The following LOC128462377 variants were observed in gnomAD, a reference collection of about 807,000 sequenced individuals.
chr16:89,399,485 G>A, the LOC128462377 span, among the ~76,000 whole-genome samples: 6 of 152,318 alleles, frequency 3.9e-5, no homozygotes, highest in South Asian at 2.1e-4. Flanking sequence ...AAAGATCAGC[G>A]AATGCCAGGG....
chr16:89,368,655 C>T, the LOC128462377 span, among the ~76,000 whole-genome samples: 1 of 150,372 alleles, frequency 6.7e-6, no homozygotes, highest in South Asian at 2.1e-4. Flanking sequence ...CATCTGTAAT[C>T]CCAACATTTT....
the LOC128462377 span, among the ~76,000 whole-genome samples, chr16:89,339,588 T>C: frequency 3.3e-5 from 5 of 152,232 alleles, no homozygotes; most frequent in Admixed American, 6.5e-5. Flanking sequence ...TTATAATTTC[T>C]ACACAGAAAA....
chr16:89,389,596 A>T, the LOC128462377 span, among the ~76,000 whole-genome samples: 1 of 152,186 alleles, frequency 6.6e-6, no homozygotes, highest in Non-Finnish European at 1.5e-5. Flanking sequence ...GTGAGACGAA[A>T]ATCACACTGG....
At chr16:89,406,853 AG>A in the LOC128462377 span, among the ~76,000 whole-genome samples, 1 of 152,182 alleles carries the variant, frequency 6.6e-6, no homozygotes, top group Non-Finnish European at 1.5e-5. Flanking sequence ...GAAGGGGAAA[AG>A]GAAAAGGGAA....
At chr16:89,319,165 G>C in the LOC128462377 span, among the ~76,000 whole-genome samples, 4 of 152,240 alleles carry the variant, frequency 2.6e-5, no homozygotes, top group African/African-American at 9.6e-5. Context: ...GATCCCAGAT[G>C]TGAGTCTGTG....
the LOC128462377 span, among the ~76,000 whole-genome samples, chr16:89,368,462 C>T: frequency 4.5e-3 from 670 of 148,762 alleles, 7 homozygotes; most frequent in Non-Finnish European, 7.4e-3. Flanking sequence ...ACCTCGTGAT[C>T]CACCTGCCTC....
the LOC128462377 span, among the ~76,000 whole-genome samples, chr16:89,376,272 G>A: frequency 6.6e-6 from 1 of 152,206 alleles, no homozygotes; most frequent in African/African-American, 2.4e-5. Context: ...GAAGCAGCTG[G>A]AGAAGTGGAT....
At chr16:89,384,879 C>CTTTT in the LOC128462377 span, among the ~76,000 whole-genome samples, 254 of 49,928 alleles carry the variant, frequency 5.1e-3, 30 homozygotes, top group Admixed American at 6.8e-3. Flanking sequence ...AAATAGTTTT[C>CTTTT]TTTTTTTTTT....
chr16:89,359,918 G>A, the LOC128462377 span, among the ~76,000 whole-genome samples: 7 of 152,118 alleles, frequency 4.6e-5, no homozygotes, highest in Middle Eastern at 3.4e-3. Flanking sequence ...TTTTAGGTTC[G>A]GGGGCACATG....
the LOC128462377 span, among the ~76,000 whole-genome samples, chr16:89,346,777 T>C: frequency 6.6e-6 from 1 of 152,022 alleles, no homozygotes; most frequent in Admixed American, 6.6e-5. Flanking sequence ...CTAGAAGACA[T>C]CCCAATAAAG....
chr16:89,405,490 C>CTT, the LOC128462377 span, among the ~76,000 whole-genome samples: 1 of 141,030 alleles, frequency 7.1e-6, no homozygotes, highest in African/African-American at 2.8e-5. Context: ...ACACCTGGCT[C>CTT]ATTTTTTTTT....
the LOC128462377 span, among the ~76,000 whole-genome samples, chr16:89,345,985 T>C: frequency 9.5e-4 from 144 of 152,112 alleles, 2 homozygotes; most frequent in Non-Finnish European, 2.9e-5. Flanking sequence ...CTCATGCCTG[T>C]AATCCCAGCA....
the LOC128462377 span, among the ~76,000 whole-genome samples, chr16:89,414,178 C>T: frequency 6.6e-6 from 1 of 152,220 alleles, no homozygotes; most frequent in Non-Finnish European, 1.5e-5. Flanking sequence ...ACTTTTCCAT[C>T]TTAAATGGAG....
chr16:89,408,719 C>A, the LOC128462377 span, among the ~76,000 whole-genome samples: 1 of 152,162 alleles, frequency 6.6e-6, no homozygotes, highest in East Asian at 1.9e-4. Context: ...TCAGAGTCCC[C>A]GGGACTCACT....
At chr16:89,365,210 G>C in the LOC128462377 span, among the ~76,000 whole-genome samples, 2 of 152,192 alleles carry the variant, frequency 1.3e-5, no homozygotes, top group Admixed American at 1.3e-4. Flanking sequence ...TGGCTGGTCA[G>C]AAGGGGAAGT....
chr16:89,385,010 C>T, the LOC128462377 span, among the ~76,000 whole-genome samples: 1 of 147,876 alleles, frequency 6.8e-6, no homozygotes, highest in Non-Finnish European at 1.5e-5. Flanking sequence ...CTCAGCCTCC[C>T]AAGTAGCTGG....
the LOC128462377 span, among the ~76,000 whole-genome samples, chr16:89,362,454 C>A: frequency 6.6e-6 from 1 of 152,200 alleles, no homozygotes; most frequent in South Asian, 2.1e-4. Context: ...AAGTGAACAG[C>A]ACTGAAGCCG....
chr16:89,385,972 C>G, the LOC128462377 span, among the ~76,000 whole-genome samples: 1 of 152,234 alleles, frequency 6.6e-6, no homozygotes, highest in Non-Finnish European at 1.5e-5. Context: ...TCCAGAACTC[C>G]CTGGCTCAAG....
chr16:89,333,549 C>T, the LOC128462377 span, among the ~76,000 whole-genome samples: 68 of 152,350 alleles, frequency 4.5e-4, no homozygotes, highest in Non-Finnish European at 5.3e-4. Context: ...CAGCCCCTGG[C>T]GTCACTGATC....
Sources: allele counts gnomAD v4.1 joint callset (sites outside exome capture counted in the v4.1 genomes callset), GRCh38; gene constraint gnomAD v4.1.1; transcripts MANE v1.5.